The following THRB variants were observed in gnomAD, a reference collection of about 807,000 sequenced individuals.
THRB encodes the protein thyroid hormone receptor beta.
THRB carries 12 observed loss-of-function variants against 47.8 expected under a neutral mutation model. That is an observed-to-expected ratio of 0.25 (90% CI 0.16 to 0.41). The LOEUF (loss-of-function observed/expected upper bound fraction) is 0.41. THRB is among the 10% of genes least tolerant of loss of function. THRB has a pLI of 1.00. For synonymous variants in THRB, 218 were observed against 212.2 expected, an observed-to-expected ratio of 1.03 and a Z score of -0.24; for missense variants, 348 against 589.2, an observed-to-expected ratio of 0.59 and a Z score of 4.24.
chr3:24,377,658 ATGCTACAC>A (rs1350612306), intron 1 of THRB, among the ~76,000 whole-genome samples: 1 of 152,192 alleles, frequency 6.6e-6, no homozygotes, highest in African/African-American at 2.4e-5. Flanking sequence ...GTTAGCACAC[ATGCTACAC>A]TGTGACCCAC....
intron 1 of THRB, among the ~76,000 whole-genome samples, chr3:24,463,419 A>AT (rs1214233800): frequency 1.3e-5 from 2 of 151,824 alleles, no homozygotes; most frequent in South Asian, 2.1e-4. Flanking sequence ...TGTGCGGCTA[A>AT]TTTTTTTTAT....
In THRB at chr3:24,337,334, A is replaced by G. The variant is rs1045979725; in HGVS notation, c.-223T>C. The G allele has an allele frequency of 1.3e-5, 2 of 152,200 alleles. No homozygotes were observed. Among genetic ancestry groups the G allele is most frequent in the Non-Finnish European group, 2.9e-5 (2 of 68,036 alleles). The allele number at this position is 152,200 out of a possible 1,614,324, so 9.4% of individuals were successfully genotyped here. On this transcript the variant is annotated 5_prime_UTR_variant, in exon 2 of 11. Coordinates refer to ENST00000646209, the MANE Select transcript of THRB (RefSeq NM_001354712.2). The stretch of plus-strand genomic sequence containing the variant: ...CATTAAATCATGTGTGGAACTTGGC[A>G]CCCACGCAGGACAGCCAACCAGAAG...
chr3:24,162,314 C>A (rs1329110526), intron 5 of THRB, among the ~76,000 whole-genome samples: 3 of 152,118 alleles, frequency 2.0e-5, no homozygotes, highest in Non-Finnish European at 4.4e-5. Context: ...CTGCCTTCTT[C>A]TCCTGAATTT....
At chr3:24,235,427 A>T (rs2048759037) in intron 3 of THRB, among the ~76,000 whole-genome samples, 2 of 152,166 alleles carry the variant, frequency 1.3e-5, no homozygotes, top group South Asian at 4.1e-4. Flanking sequence ...ACAGCTCATC[A>T]TCAACCTTTT....
rs555935253 is a variant in THRB at position 24,143,433 on chromosome 3, G to A, written c.738+68C>T. ...TAACACCAGTATCCCAAGGTGATGA[G>A]GACTGAATAAATTGAGGTAGAAAAC... is the stretch of plus-strand genomic sequence containing the variant. On this transcript the variant is annotated intron_variant, in intron 8 of 10. Coordinates refer to ENST00000646209, the MANE Select transcript of THRB (RefSeq NM_001354712.2). The A allele has an allele frequency of 1.2e-5, 17 of 1,464,144 alleles. No homozygotes were observed. The East Asian group carries it at 3.2e-4, about 27-fold the overall frequency. The allele number at this position is 1,464,144 out of a possible 1,614,324, so 90.7% of individuals were successfully genotyped here.
intron 4 of THRB, among the ~76,000 whole-genome samples, chr3:24,212,577 C>CA (rs1199010853): frequency 0.24 from 20,243 of 83,986 alleles, 2,664 homozygotes; most frequent in East Asian, 0.42. Context: ...GACTCCGTCT[C>CA]AAAAAAAAAA....
Position 24,260,606 on chromosome 3 carries a change from T to G in THRB, c.-42-31605A>C, listed in dbSNP as rs143720347. Among the ~76,000 whole-genome samples the G allele has an allele frequency of 1.1e-4, 16 of 152,272 alleles. No individual in the cohort carries two copies. The East Asian group carries it at 1.4e-3, about 13-fold the overall frequency. On this transcript the variant is annotated intron_variant, in intron 3 of 10. Transcript: ENST00000646209. ...CACAATCATACTGATGGGCTCTGGGTAGACACATGGCCATGAACTCAGGTG... is the reference window on the plus strand; with the variant it reads ...CACAATCATACTGATGGGCTCTGGGGAGACACATGGCCATGAACTCAGGTG...
intron 3 of THRB, among the ~76,000 whole-genome samples, chr3:24,237,641 T>A (rs1168406765): frequency 2.6e-5 from 4 of 152,054 alleles, no homozygotes; most frequent in Non-Finnish European, 5.9e-5. Flanking sequence ...GGATACTGAG[T>A]CAGGAGTAAC....
chr3:24,431,166 A>G (rs914858516), intron 1 of THRB: 16 of 151,998 alleles, frequency 1.1e-4, no homozygotes, highest in African/African-American at 3.9e-4. Context: ...ATGTTCATTT[A>G]AAAAAATTCC....
At chr3:24,332,331 C>G (rs1253493063) in intron 2 of THRB, among the ~76,000 whole-genome samples, 1 of 152,142 alleles carries the variant, frequency 6.6e-6, no homozygotes, top group African/African-American at 2.4e-5. Context: ...GTATCTGAGT[C>G]CCTGCTGACG....
At chr3:24,245,053 T>A (rs2049971419) in intron 3 of THRB, among the ~76,000 whole-genome samples, 1 of 152,294 alleles carries the variant, frequency 6.6e-6, no homozygotes, top group East Asian at 1.9e-4. Context: ...TTCAACCTTC[T>A]CTTTTGGGAA....
intron 4 of THRB, among the ~76,000 whole-genome samples, chr3:24,198,564 C>CT (rs1467933499): frequency 4.0e-5 from 6 of 149,818 alleles, no homozygotes; most frequent in African/African-American, 1.5e-4. Flanking sequence ...TCCCCTTTCT[C>CT]TCAATTTACA....
chr3:24,272,953 A>G (rs2053506923), intron 3 of THRB, among the ~76,000 whole-genome samples: 1 of 152,218 alleles, frequency 6.6e-6, no homozygotes, highest in Admixed American at 6.5e-5. Context: ...AAAAACAAAT[A>G]TCAATACTAA....
At chr3:24,125,603 ATTTC>A (rs1056190641) in intron 10 of THRB, among the ~76,000 whole-genome samples, 1 of 152,054 alleles carries the variant, frequency 6.6e-6, no homozygotes, top group Admixed American at 6.6e-5. Flanking sequence ...TATAAATTTT[ATTTC>A]TTTGAGACTA....
At position 24,435,039 on chromosome 3, in the gene THRB, C is replaced by G. The variant is rs192448026; in HGVS notation, c.-261+59613G>C. On this transcript the variant is annotated intron_variant, in intron 1 of 10. Coordinates refer to ENST00000646209, the MANE Select transcript of THRB (RefSeq NM_001354712.2). ...TCCAGTATGTGGCAATAATTGAGGT[C>G]TGGGAGAGGGGCTGTCAGAGTGAAA... 2.0e-4 allele frequency among the ~76,000 whole-genome samples: 30 copies of G among 152,132 alleles called. No homozygotes were observed. The East Asian group carries it at 4.4e-3, about 23-fold the overall frequency.
At chr3:24,299,314 T>C (rs969531718) in intron 2 of THRB, among the ~76,000 whole-genome samples, 2 of 147,320 alleles carry the variant, frequency 1.4e-5, no homozygotes, top group Admixed American at 6.7e-5. Context: ...AATAAAAATG[T>C]AGAGGAAACT....
intron 7 of THRB, among the ~76,000 whole-genome samples, chr3:24,145,890 C>G (rs2036019191): frequency 6.6e-6 from 1 of 151,900 alleles, no homozygotes; most frequent in Non-Finnish European, 1.5e-5. Flanking sequence ...AAAATTTATG[C>G]CAGTAGAATC....
chr3:24,287,583 T>C (rs1211971535), intron 3 of THRB, among the ~76,000 whole-genome samples: 1 of 152,190 alleles, frequency 6.6e-6, no homozygotes, highest in East Asian at 1.9e-4. Flanking sequence ...CTCTTCCTGG[T>C]CAACTTGAAA....
At chr3:24,206,754 G>A (rs2045406797) in intron 4 of THRB, among the ~76,000 whole-genome samples, 1 of 152,072 alleles carries the variant, frequency 6.6e-6, no homozygotes, top group Non-Finnish European at 1.5e-5. Context: ...TAGACTTCTA[G>A]CAAGACTAAT....
Sources: gnomAD v4.1 joint callset for allele counts (sites outside exome capture counted in the v4.1 genomes callset) on GRCh38, gnomAD v4.1.1 for gene constraint, MANE v1.5 for transcripts, NCBI Gene and HGNC (gene_info 2026-07-23, HGNC 2026-07-21) for gene names.